The following CCDC73 variants were observed in gnomAD, a reference collection of about 807,000 sequenced individuals.
CCDC73 encodes the protein coiled-coil domain containing 73.
Under a neutral mutation model 116.5 loss-of-function variants are expected in CCDC73, and 95 were observed. That is an observed-to-expected ratio of 0.82 (90% CI 0.69 to 0.97). The LOEUF (loss-of-function observed/expected upper bound fraction) is 0.97. Ranked by LOEUF, CCDC73 falls within the 50% of genes least tolerant of loss-of-function variation. The pLI is 0.00. For missense variants in CCDC73, 1,066 were observed against 1,206.8 expected, an observed-to-expected ratio of 0.88 and a Z score of 1.73; for synonymous variants, 398 against 401.3, an observed-to-expected ratio of 0.99 and a Z score of 0.10.
intron 6 of CCDC73, 95 bp from the exon 7 acceptor site, chr11:32,683,669 G>A (rs1052106849): frequency 1.1e-5 from 8 of 715,932 alleles, no homozygotes; most frequent in Middle Eastern, 4.2e-4. Flanking sequence ...AATGTGGCAT[G>A]TATCTTCTAT....
At chr11:32,702,991 T>C (rs1258000682) in intron 3 of CCDC73, 47 bp from the exon 4 acceptor site, 2 of 1,201,882 alleles carry the variant, frequency 1.7e-6, no homozygotes, top group Middle Eastern at 1.9e-4. Context: ...CTAGCAACTC[T>C]CTTTCAGCTT....
the CCDC73 span, among the ~76,000 whole-genome samples, chr11:32,802,589 T>A: frequency 6.6e-6 from 1 of 152,208 alleles, no homozygotes; most frequent in South Asian, 2.1e-4. Context: ...ACAGAATTCT[T>A]CCTAACAGAA....
intron 13 of CCDC73, among the ~76,000 whole-genome samples, chr11:32,638,643 T>C (rs2133246548): frequency 6.6e-6 from 1 of 152,110 alleles, no homozygotes; most frequent in Admixed American, 6.5e-5. Context: ...CATGCCTGGC[T>C]AATTTTTGTA....
the CCDC73 span, among the ~76,000 whole-genome samples, chr11:32,827,397 G>A: frequency 6.6e-6 from 1 of 152,174 alleles, no homozygotes; most frequent in Admixed American, 6.5e-5. Flanking sequence ...ACACAGGGAT[G>A]TAATTCACTA....
intron 12 of CCDC73, among the ~76,000 whole-genome samples, chr11:32,642,344 G>A (rs1855741049): frequency 6.6e-6 from 1 of 152,010 alleles, no homozygotes; most frequent in Non-Finnish European, 1.5e-5. Context: ...CACTGCATAA[G>A]TTTTAATGTG....
At chr11:32,753,577 G>A (rs1386101982) in intron 2 of CCDC73, among the ~76,000 whole-genome samples, 3 of 151,990 alleles carry the variant, frequency 2.0e-5, no homozygotes, top group East Asian at 1.9e-4. Flanking sequence ...TGATTCTTCT[G>A]CCTCAGCCTC....
intron 6 of CCDC73, among the ~76,000 whole-genome samples, chr11:32,685,908 G>C (rs4756164): frequency 0.57 from 86,508 of 151,106 alleles, 25,127 homozygotes; most frequent in East Asian, 0.84. Context: ...TTTTAGTAGA[G>C]ACAGGGTTTC....
chr11:32,818,946 G>A, the CCDC73 span, among the ~76,000 whole-genome samples: 3 of 152,138 alleles, frequency 2.0e-5, no homozygotes, highest in African/African-American at 7.2e-5. Context: ...TGAGTACAGG[G>A]CTTCTTTTGG....
rs554055901 is a variant in CCDC73 at position 32,632,415 on chromosome 11, G to A, written c.1185+3281C>T. Among the ~76,000 whole-genome samples, 14 of 152,166 alleles carry A rather than the reference G, an allele frequency of 9.2e-5. No homozygotes were observed. The South Asian group carries it at 1.9e-3, about 20-fold the overall frequency. On this transcript the variant is annotated intron_variant, in intron 14 of 17. Transcript: ENST00000335185. Reference sequence around the variant, plus strand: ...TAATTTTTCCTATTTTAATAGAGGCGGGCTTTTGCCATGTTGCCCAGGGTG... The same window carrying A: ...TAATTTTTCCTATTTTAATAGAGGCAGGCTTTTGCCATGTTGCCCAGGGTG...
intron 17 of CCDC73, chr11:32,604,736 A>C (rs1855323226): frequency 1.3e-5 from 2 of 152,228 alleles, no homozygotes; most frequent in African/African-American, 4.8e-5. Flanking sequence ...TTTGTTCATA[A>C]ATCTTTGTGA....
intron 9 of CCDC73, among the ~76,000 whole-genome samples, chr11:32,660,004 T>C (rs1855907711): frequency 6.6e-6 from 1 of 151,794 alleles, no homozygotes; most frequent in Non-Finnish European, 1.5e-5. Flanking sequence ...AGGAATAGAG[T>C]AATATTAATT....
At chr11:32,666,684 T>C (rs1333149715) in intron 9 of CCDC73, among the ~76,000 whole-genome samples, 1 of 152,220 alleles carries the variant, frequency 6.6e-6, no homozygotes, top group East Asian at 1.9e-4. Flanking sequence ...CCATCCAGCT[T>C]TGTTCCATTG....
At chr11:32,665,078 CTA>C (rs1434332411) in intron 9 of CCDC73, among the ~76,000 whole-genome samples, 1 of 152,088 alleles carries the variant, frequency 6.6e-6, no homozygotes, top group Non-Finnish European at 1.5e-5. Flanking sequence ...TTACTTCCAA[CTA>C]TGTGGTCAAT....
At chr11:32,730,232 T>C (rs1850063674) in intron 2 of CCDC73, among the ~76,000 whole-genome samples, 1 of 152,240 alleles carries the variant, frequency 6.6e-6, no homozygotes, top group Non-Finnish European at 1.5e-5. Context: ...AAATTTCTCA[T>C]GCATTCCACA....
chr11:32,765,026 T>C (rs945005166), intron 1 of CCDC73, among the ~76,000 whole-genome samples: 2 of 152,118 alleles, frequency 1.3e-5, no homozygotes, highest in Non-Finnish European at 1.5e-5. Context: ...AAGGCCATTA[T>C]ATAATGGCAA....
chr11:32,609,946 A>ATT (rs34935006), intron 17 of CCDC73, among the ~76,000 whole-genome samples: 37,229 of 138,394 alleles, frequency 0.27, 5,151 homozygotes, highest in African/African-American at 0.32. Context: ...AGCCCAGCTA[A>ATT]TTTTTTTTTT....
intron 1 of CCDC73, among the ~76,000 whole-genome samples, chr11:32,783,534 A>G (rs182855194): frequency 1.4e-4 from 22 of 152,324 alleles, no homozygotes; most frequent in African/African-American, 3.8e-4. Flanking sequence ...GGGGAGTCCT[A>G]GATCAAAGTG....
chr11:32,668,030 C>T (rs1194969680), intron 9 of CCDC73, among the ~76,000 whole-genome samples: 1 of 152,122 alleles, frequency 6.6e-6, no homozygotes, highest in Non-Finnish European at 1.5e-5. Context: ...GCTTTAAGTT[C>T]CTCATCTATA....
At chr11:32,603,487 T>C (rs1855304290) in intron 17 of CCDC73, 1 of 152,682 alleles carries the variant, frequency 6.5e-6, no homozygotes, top group Non-Finnish European at 1.5e-5. Flanking sequence ...TAATCCCTTA[T>C]CCAGAGAGGC....
Sources: gnomAD v4.1 joint callset for allele counts (sites outside exome capture counted in the v4.1 genomes callset) on GRCh38, gnomAD v4.1.1 for gene constraint, MANE v1.5 for transcripts, NCBI Gene and HGNC (gene_info 2026-07-23, HGNC 2026-07-21) for gene names.